BAALC: variants seen among roughly 807,000 people sequenced by gnomAD.
The protein encoded by BAALC is brain and acute leukemia cytoplasmic protein.
Under a neutral mutation model 15.5 loss-of-function variants are expected in BAALC, and 9 were observed. That is an observed-to-expected ratio of 0.58 (90% CI 0.35 to 1.02). The LOEUF is 1.02. BAALC is among the 50% of genes least tolerant of loss of function. The pLI is 0.02. For missense variants in BAALC, 201 were observed against 192.4 expected (o/e 1.04, Z -0.27); for synonymous variants, 80 against 74.6 (o/e 1.07, Z -0.37).
chr8:103,173,099 A>G (rs1811534379), intron 1 of BAALC, among the ~76,000 whole-genome samples: 1 of 152,180 alleles, frequency 6.6e-6, no homozygotes, highest in Non-Finnish European at 1.5e-5. Flanking sequence ...TTGATTTTTG[A>G]GGCACGGTGG....
chr8:103,186,138 C>A (rs1450993998), intron 1 of BAALC, among the ~76,000 whole-genome samples: 1 of 152,168 alleles, frequency 6.6e-6, no homozygotes, highest in African/African-American at 2.4e-5. Flanking sequence ...CCTCAGGGCC[C>A]ATCTGGTAAC....
Position 103,173,105 on chromosome 8 carries a change from G to A in BAALC, c.160+32048G>A, listed in dbSNP as rs187843531. Among the ~76,000 whole-genome samples, 7 of 152,158 alleles carry A rather than the reference G, an allele frequency of 4.6e-5. No homozygotes were observed. The East Asian group carries it at 1.2e-3, about 25-fold the overall frequency. On this transcript the variant is annotated intron_variant, in intron 1 of 2. Transcript: ENST00000309982. Reference sequence around the variant, plus strand: ...TGGATCCTTTTGATTTTTGAGGCACGGTGGGCCATCATTTGAACTGTTAAC... The same window carrying A: ...TGGATCCTTTTGATTTTTGAGGCACAGTGGGCCATCATTTGAACTGTTAAC...
chr8:103,146,317 C>G (rs759224926), intron 1 of BAALC, among the ~76,000 whole-genome samples: 5 of 152,196 alleles, frequency 3.3e-5, no homozygotes, highest in Non-Finnish European at 7.3e-5. Flanking sequence ...GCTGGCCTGA[C>G]TCCATCCCCG....
intron 1 of BAALC, among the ~76,000 whole-genome samples, chr8:103,184,374 C>T (rs1406524609): frequency 6.6e-6 from 1 of 152,200 alleles, no homozygotes; most frequent in Non-Finnish European, 1.5e-5. Flanking sequence ...TACCATGTCA[C>T]CAGAGTTGTG....
At chr8:103,147,119 C>T (rs1334986844) in intron 1 of BAALC, among the ~76,000 whole-genome samples, 1 of 152,224 alleles carries the variant, frequency 6.6e-6, no homozygotes, top group Non-Finnish European at 1.5e-5. Context: ...GAAGCTTAGT[C>T]TGTCATTCTT....
intron 1 of BAALC, among the ~76,000 whole-genome samples, chr8:103,162,836 G>GAAA (rs1811258751): frequency 2.0e-5 from 3 of 152,098 alleles, no homozygotes; most frequent in African/African-American, 7.2e-5. Flanking sequence ...TAAGACACGA[G>GAAA]ACTCCAGGGT....
At chr8:103,187,626 T>G (rs557475743) in intron 1 of BAALC, among the ~76,000 whole-genome samples, 2 of 152,342 alleles carry the variant, frequency 1.3e-5, no homozygotes, top group East Asian at 3.9e-4. Flanking sequence ...AACAGCTTTC[T>G]GCTTTTTGCT....
intron 2 of BAALC, among the ~76,000 whole-genome samples, chr8:103,226,914 T>C (rs1812818163): frequency 6.6e-6 from 1 of 152,206 alleles, no homozygotes; most frequent in Non-Finnish European, 1.5e-5. Context: ...AACTTGCCCA[T>C]AGTGAAATCA....
At position 103,141,086 on chromosome 8, in the gene BAALC, G is replaced by A. The variant is rs530957025; in HGVS notation, c.160+29G>A. 4.0e-5 allele frequency: 57 copies of A among 1,411,114 alleles called. No homozygotes were observed. In the South Asian group the frequency reaches 7.9e-4, roughly 20 times the overall value. The allele number at this position is 1,411,114 out of a possible 1,614,324, so 87.4% of individuals were successfully genotyped here. On this transcript the variant is annotated intron_variant, in intron 1 of 2. Coordinates refer to ENST00000309982, the MANE Select transcript of BAALC (RefSeq NM_024812.3). Reference sequence around the variant, plus strand: ...AGTGGCCGGGCCCCTGCAGACCCTCGCCCGCCCGCTACCCCGGGCGCCTTG... The same window carrying A: ...AGTGGCCGGGCCCCTGCAGACCCTCACCCGCCCGCTACCCCGGGCGCCTTG...
chr8:103,205,166 G>A (rs960655265), intron 1 of BAALC, among the ~76,000 whole-genome samples: 12 of 152,150 alleles, frequency 7.9e-5, no homozygotes, highest in Non-Finnish European at 1.6e-4. Context: ...TCAAGCTAAG[G>A]AGAAATTACC....
intron 2 of BAALC, among the ~76,000 whole-genome samples, chr8:103,227,327 C>A (rs759270263): frequency 1.3e-5 from 2 of 152,142 alleles, no homozygotes; most frequent in African/African-American, 2.4e-5. Flanking sequence ...GCTAAGCCAC[C>A]CAAAACTGCC....
intron 1 of BAALC, among the ~76,000 whole-genome samples, chr8:103,178,215 G>C (rs1811646998): frequency 6.6e-6 from 1 of 152,228 alleles, no homozygotes; most frequent in African/African-American, 2.4e-5. Context: ...GAGGGTCACA[G>C]CTGGATGATA....
In BAALC at chr8:103,147,443, A is replaced by AT. The variant is rs201205235; in HGVS notation, c.160+6395dup. Among the ~76,000 whole-genome samples the AT allele has an allele frequency of 9.3e-3, 1,407 of 151,816 alleles. 14 individuals carry two copies. Among genetic ancestry groups the AT allele is most frequent in the Non-Finnish European group, 0.015 (1,014 of 67,860 alleles). ...TATGTAACTCAAAGGATAAATGCAG[A>AT]TTTTTTTTTCTGCAAAAAACATTGC... On this transcript the variant is annotated intron_variant, in intron 1 of 2. Transcript: ENST00000309982.
intron 1 of BAALC, among the ~76,000 whole-genome samples, chr8:103,212,398 T>G (rs773907205): frequency 1.3e-5 from 2 of 152,108 alleles, no homozygotes; most frequent in African/African-American, 4.8e-5. Context: ...CAGCAAACTA[T>G]GATCATGCCA....
At chr8:103,172,971 C>A (rs1357105520) in intron 1 of BAALC, among the ~76,000 whole-genome samples, 2 of 152,136 alleles carry the variant, frequency 1.3e-5, no homozygotes, top group Admixed American at 1.3e-4. Flanking sequence ...TGAATAATAG[C>A]ATTAATCTAA....
At chr8:103,178,662 G>T (rs1007517138) in intron 1 of BAALC, among the ~76,000 whole-genome samples, 11 of 152,220 alleles carry the variant, frequency 7.2e-5, no homozygotes, top group South Asian at 6.2e-4. Flanking sequence ...TTCAAGACCA[G>T]CCTGGCCAAC....
At chr8:103,167,628 G>GGA (rs1051080306) in intron 1 of BAALC, among the ~76,000 whole-genome samples, 24 of 152,288 alleles carry the variant, frequency 1.6e-4, no homozygotes, top group African/African-American at 4.3e-4. Context: ...TCTAGCAAAA[G>GGA]GAACAGCATG....
At position 103,212,941 on chromosome 8, in the gene BAALC, C is replaced by A. The variant is rs965343943; in HGVS notation, c.183C>A (p.Pro61=). The stretch of plus-strand genomic sequence containing the variant: ...CAGGCATGCTGGAAGATGGACTGCC[C>A]TCCAATGGTGTGCCCCGATCTACAG... The part of the protein sequence containing the change: ...LHSGMLEDGL[P]SNGVPRSTAP... Residue 61 remains proline, a synonymous_variant, in exon 2 of 3, where the codon CCC becomes CCA. Coordinates refer to ENST00000309982, the MANE Select transcript of BAALC (RefSeq NM_024812.3). 1 of 1,613,682 alleles carries A rather than the reference C, an allele frequency of 6.2e-7. No individual in the cohort carries two copies. The highest frequency in any genetic ancestry group is 1.3e-5 in the African/African-American group (1 of 74,908).
At chr8:103,202,379 G>A (rs1812237065) in intron 1 of BAALC, among the ~76,000 whole-genome samples, 1 of 152,204 alleles carries the variant, frequency 6.6e-6, no homozygotes, top group Non-Finnish European at 1.5e-5. Flanking sequence ...TGAAGACAGA[G>A]GGAGAAGACA....
Sources: gnomAD v4.1 joint callset for allele counts (sites outside exome capture counted in the v4.1 genomes callset) on GRCh38, gnomAD v4.1.1 for gene constraint, MANE v1.5 for transcripts, NCBI Gene and HGNC (gene_info 2026-07-23, HGNC 2026-07-21) for gene names.